Variants in TMTC2 observed in about 807,000 individuals in gnomAD.
TMTC2 encodes the protein transmembrane O-mannosyltransferase targeting cadherins 2.
Under a neutral mutation model 82.4 loss-of-function variants are expected in TMTC2, and 43 were observed. That is an observed-to-expected ratio of 0.52 (90% CI 0.41 to 0.67). The LOEUF is 0.67. Ranked by LOEUF, TMTC2 falls within the 30% of genes least tolerant of loss-of-function variation. The pLI is 0.00. For missense variants in TMTC2, 919 were observed against 1,012.4 expected (o/e 0.91, Z 1.25); for synonymous variants, 408 against 381.9 (o/e 1.07, Z -0.80).
chr12:82,899,659 A>G (rs140441804), intron 3 of TMTC2, among the ~76,000 whole-genome samples: 2,762 of 140,158 alleles, frequency 0.02, 147 homozygotes, highest in African/African-American at 0.07. Flanking sequence ...AAGAATATAT[A>G]TATAAGAATA....
chr12:82,857,512 T>G lies in TMTC2; in HGVS notation c.586T>G (p.Ser196Ala), dbSNP rs764104850. ...ACAAGGAGTGACTGTTCTCGCAGTT[T>G]CAGCAGTTTATGATGTCTTTGTCTT... is the stretch of plus-strand genomic sequence containing the variant. ...KEQGVTVLAV[S>A]AVYDVFVFHR... The change falls in exon 2 of 12, where the codon TCA (serine) becomes GCA (alanine). Residue 196 changes from serine to alanine, a missense_variant. Ser to Ala is a moderately conservative substitution (Grantham distance 99). Coordinates refer to ENST00000321196, the MANE Select transcript of TMTC2 (RefSeq NM_152588.3). The G allele has an allele frequency of 1.2e-6, 2 of 1,614,176 alleles. No individual in the cohort carries two copies. Among genetic ancestry groups the G allele is most frequent in the East Asian group, 2.2e-5 (1 of 44,874 alleles).
At chr12:82,904,320 G>A (rs1372241480) in intron 3 of TMTC2, among the ~76,000 whole-genome samples, 1 of 152,146 alleles carries the variant, frequency 6.6e-6, no homozygotes, top group East Asian at 1.9e-4. Flanking sequence ...AATGGAATAT[G>A]ATTTTAAGCC....
At chr12:83,096,750 G>A (rs1884042289) in intron 11 of TMTC2, among the ~76,000 whole-genome samples, 1 of 152,036 alleles carries the variant, frequency 6.6e-6, no homozygotes, top group African/African-American at 2.4e-5. Flanking sequence ...ATGAGATTTG[G>A]GTGGGGATAC....
At chr12:82,998,002 C>T (rs916239214) in intron 8 of TMTC2, among the ~76,000 whole-genome samples, 4 of 151,954 alleles carry the variant, frequency 2.6e-5, no homozygotes, top group Non-Finnish European at 5.9e-5. Context: ...TTATAAGATA[C>T]CAAACTGAAA....
chr12:82,910,366 A>G (rs1419172494), intron 3 of TMTC2, among the ~76,000 whole-genome samples: 2 of 152,174 alleles, frequency 1.3e-5, no homozygotes, highest in Non-Finnish European at 2.9e-5. Context: ...CTAGGGGAAC[A>G]TACGGACAGG....
At chr12:82,909,050 A>G (rs543446868) in intron 3 of TMTC2, among the ~76,000 whole-genome samples, 1 of 152,372 alleles carries the variant, frequency 6.6e-6, no homozygotes, top group South Asian at 2.1e-4. Flanking sequence ...CCTACGCATA[A>G]GAATTCCCAA....
chr12:82,976,709 G>A (rs1878689779), intron 7 of TMTC2, among the ~76,000 whole-genome samples: 1 of 151,960 alleles, frequency 6.6e-6, no homozygotes, highest in Non-Finnish European at 1.5e-5. Context: ...CACAAAATTT[G>A]ACTGCTAAAA....
intron 3 of TMTC2, among the ~76,000 whole-genome samples, chr12:82,924,532 G>A (rs1011029530): frequency 6.6e-6 from 1 of 152,108 alleles, no homozygotes; most frequent in Non-Finnish European, 1.5e-5. Flanking sequence ...ATTTTTGCAG[G>A]CATCTAGGGC....
chr12:83,018,035 T>TATTG (rs373567472), intron 8 of TMTC2, among the ~76,000 whole-genome samples: 24 of 141,808 alleles, frequency 1.7e-4, no homozygotes, highest in Admixed American at 5.1e-4. Context: ...TATATATATA[T>TATTG]TGTGTGTGTG....
At chr12:82,845,177 C>G (rs1287236189) in intron 1 of TMTC2, among the ~76,000 whole-genome samples, 1 of 129,828 alleles carries the variant, frequency 7.7e-6, no homozygotes, top group Non-Finnish European at 1.5e-5. Flanking sequence ...TGCAGTGAGC[C>G]GAGATCGTGC....
intron 7 of TMTC2, among the ~76,000 whole-genome samples, chr12:82,983,985 C>T (rs1879043484): frequency 6.6e-6 from 1 of 151,580 alleles, no homozygotes; most frequent in Admixed American, 6.6e-5. Context: ...AGAAAAAATC[C>T]ATCTGACAGC....
intron 1 of TMTC2, chr12:82,760,750 G>T: frequency 4.1e-6 from 1 of 242,580 alleles, no homozygotes; most frequent in Non-Finnish European, 8.8e-6. Context: ...GATCAGTGGT[G>T]GCATTAGATT....
At chr12:82,738,135 A>G (rs1875212805) in intron 1 of TMTC2, among the ~76,000 whole-genome samples, 1 of 152,226 alleles carries the variant, frequency 6.6e-6, no homozygotes, top group African/African-American at 2.4e-5. Flanking sequence ...TTGGTCTAGT[A>G]TAATTAGGTA....
At chr12:82,885,852 A>G (rs1443027221) in intron 2 of TMTC2, among the ~76,000 whole-genome samples, 1 of 152,146 alleles carries the variant, frequency 6.6e-6, no homozygotes, top group African/African-American at 2.4e-5. Flanking sequence ...CTTCCCACCC[A>G]ACCAGTTCAT....
intron 8 of TMTC2, among the ~76,000 whole-genome samples, chr12:82,988,422 A>G (rs1272636048): frequency 6.6e-6 from 1 of 152,194 alleles, no homozygotes; most frequent in East Asian, 1.9e-4. Context: ...AATTGCAGCC[A>G]ATGAATGGAG....
At chr12:82,869,924 G>A (rs1283518762) in intron 2 of TMTC2, among the ~76,000 whole-genome samples, 1 of 151,964 alleles carries the variant, frequency 6.6e-6, no homozygotes, top group African/African-American at 2.4e-5. Flanking sequence ...GATTAGTTGA[G>A]AGGAGAGACA....
intron 11 of TMTC2, among the ~76,000 whole-genome samples, chr12:83,106,431 G>A (rs11836161): frequency 0.054 from 8,164 of 150,768 alleles, 326 homozygotes; most frequent in East Asian, 0.22. Context: ...CCCAGGAGGC[G>A]GAGGTTGCAG....
chr12:82,718,072 G>A (rs1873981811), intron 1 of TMTC2, among the ~76,000 whole-genome samples: 1 of 152,116 alleles, frequency 6.6e-6, no homozygotes, highest in African/African-American at 2.4e-5. Context: ...GGAACACTAA[G>A]CTTATGGGAG....
At chr12:82,845,836 AT>A (rs1286563140) in intron 1 of TMTC2, among the ~76,000 whole-genome samples, 1 of 151,936 alleles carries the variant, frequency 6.6e-6, no homozygotes, top group Admixed American at 6.5e-5. Flanking sequence ...AATGCTTTTC[AT>A]ATAACATTTA....
Sources: allele counts gnomAD v4.1 joint callset (sites outside exome capture counted in the v4.1 genomes callset), GRCh38; gene constraint gnomAD v4.1.1; transcripts MANE v1.5; gene names NCBI Gene and HGNC (gene_info 2026-07-23, HGNC 2026-07-21).